Variants in SPG11 observed in about 807,000 individuals in gnomAD.
SPG11 encodes spatacsin.
SPG11 carries 222 observed loss-of-function variants against 274.0 expected under a neutral mutation model. The observed-to-expected ratio is 0.81, with a 90% CI of 0.73 to 0.91. The LOEUF (loss-of-function observed/expected upper bound fraction) is 0.91. Among genes scored for constraint, SPG11 ranks in the 40% least tolerant of loss-of-function variants. SPG11 has a pLI of 0.00. For synonymous variants in SPG11, 1,144 were observed against 1,039.7 expected (o/e 1.10, Z -1.93); for missense variants, 3,114 against 2,872.7 (o/e 1.08, Z -1.92).
chr15:44,567,829 C>A (rs1045672017), intron 35 of SPG11, among the ~76,000 whole-genome samples: 6 of 152,172 alleles, frequency 3.9e-5, no homozygotes, highest in Admixed American at 6.5e-5. Context: ...AAAAATACAC[C>A]CGCATAAGCT....
chr15:44,588,224 A>G (rs1419606461), intron 28 of SPG11, among the ~76,000 whole-genome samples: 1 of 152,126 alleles, frequency 6.6e-6, no homozygotes, highest in East Asian at 1.9e-4. Flanking sequence ...AGTGGAAAAG[A>G]TAGTAAGGCA....
intron 21 of SPG11, among the ~76,000 whole-genome samples, chr15:44,599,164 G>A (rs1175906625): frequency 4.6e-5 from 7 of 152,032 alleles, no homozygotes; most frequent in African/African-American, 1.4e-4. Flanking sequence ...TTATGAGTAC[G>A]TATACAAACT....
chr15:44,563,061 TCTCATCACATCTGTCAGAATCTG>T lies in SPG11; in HGVS notation c.*37_*59del. Reference sequence around the variant, plus strand: ...GCAAAGATCTCCAATGCATTCTTCTTCTCATCACATCTGTCAGAATCTGCTAACAGTACAAGAAAACAGACACC... The same window carrying T: ...GCAAAGATCTCCAATGCATTCTTCTTCTAACAGTACAAGAAAACAGACACC... On this transcript the variant is annotated 3_prime_UTR_variant, in exon 40 of 40. Transcript: ENST00000261866. The T allele has an allele frequency of 1.3e-6, 2 of 1,530,396 alleles. No individual in the cohort carries two copies. Among genetic ancestry groups the T allele is most frequent in the South Asian group, 1.1e-5 (1 of 89,000 alleles). The allele number at this position is 1,530,396 out of a possible 1,614,324, so 94.8% of individuals were successfully genotyped here.
intron 16 of SPG11, 26 bp downstream of exon 16, chr15:44,615,337 A>T: frequency 6.2e-7 from 1 of 1,607,296 alleles, no homozygotes; most frequent in Non-Finnish European, 8.5e-7. Context: ...GACCTGCTCA[A>T]GGACAAATGC....
Position 44,615,410 on chromosome 15 carries a change from C to T in SPG11, c.2991G>A (p.Leu997=), listed in dbSNP as rs200122358. 1.2e-6 allele frequency: 2 copies of T among 1,613,916 alleles called. No individual in the cohort carries two copies. The highest frequency in any genetic ancestry group is 1.3e-5 in the African/African-American group (1 of 74,914). The change falls in exon 16 of 40, where the codon TTG becomes TTA. Residue 997 remains leucine, a synonymous_variant. Coordinates refer to ENST00000261866, the MANE Select transcript of SPG11 (RefSeq NM_025137.4). The part of the protein sequence containing the change: ...DFHSQFILYC[L]EHSLQHLLYV... ...AAAGAAGATGCTGCAGACTGTGCTCCAAACAATAGAGAATGAATTGAGAAT... is the reference window on the plus strand; with the variant it reads ...AAAGAAGATGCTGCAGACTGTGCTCTAAACAATAGAGAATGAATTGAGAAT...
At chr15:44,604,424 G>A (rs1166999265) in intron 20 of SPG11, among the ~76,000 whole-genome samples, 3 of 152,152 alleles carry the variant, frequency 2.0e-5, no homozygotes, top group Non-Finnish European at 4.4e-5. Flanking sequence ...GCACATTTGA[G>A]TTTTTTATTC....
At chr15:44,589,807 TTTTTA>T (rs1452016952) in intron 27 of SPG11, among the ~76,000 whole-genome samples, 40 of 152,342 alleles carry the variant, frequency 2.6e-4, no homozygotes, top group African/African-American at 1.4e-4. Flanking sequence ...AGCTTCTTTA[TTTTTA>T]TTTTATTTTT....
intron 3 of SPG11, 27 bp from the exon 4 acceptor site, chr15:44,657,323 CCA>C: frequency 1.2e-6 from 2 of 1,606,134 alleles, no homozygotes; most frequent in Non-Finnish European, 1.7e-6. Flanking sequence ...AAAGAAAATG[CCA>C]GTTTTGTAAG....
intron 10 of SPG11, among the ~76,000 whole-genome samples, chr15:44,627,406 A>G (rs1262565673): frequency 2.0e-5 from 3 of 152,188 alleles, no homozygotes; most frequent in Admixed American, 6.5e-5. Flanking sequence ...TTTTGAAGAC[A>G]GGGTCTACAA....
chr15:44,657,059 T>C, intron 4 of SPG11, 36 bp downstream of exon 4: 1 of 1,584,834 alleles, frequency 6.3e-7, no homozygotes, highest in Non-Finnish European at 8.6e-7. Flanking sequence ...AGTCTAACTA[T>C]TTACCTCAAA....
chr15:44,574,855 C>T, intron 31 of SPG11, 47 bp downstream of exon 31: 1 of 1,611,734 alleles, frequency 6.2e-7, no homozygotes. Context: ...TCAAACTTCT[C>T]ATTTCCCTCC....
At chr15:44,577,918 C>A (rs2082574559) in intron 30 of SPG11, among the ~76,000 whole-genome samples, 1 of 151,808 alleles carries the variant, frequency 6.6e-6, no homozygotes, top group Non-Finnish European at 1.5e-5. Context: ...AATTCCTGTT[C>A]TTCCTTGTCC....
At chr15:44,595,484 A>G in intron 25 of SPG11, 25 bp from the exon 26 acceptor site, 1 of 1,610,372 alleles carries the variant, frequency 6.2e-7, no homozygotes, top group Non-Finnish European at 8.5e-7. Flanking sequence ...ATAAAATAAC[A>G]ACTAGGCCTG....
rs549215155 is a variant in SPG11, at chr15:44,626,523, C to T, written c.2068-16G>A. ...CAATAACTTCCTAGGAAAAGAAAAA[C>T]GTTTGCCTTTTAAGTTCTTTTTCAT... On this transcript the variant is annotated splice_polypyrimidine_tract_variant and intron_variant, in intron 10 of 39. Coordinates refer to ENST00000261866, the MANE Select transcript of SPG11 (RefSeq NM_025137.4). 45 of 1,612,820 alleles carry T rather than the reference C, an allele frequency of 2.8e-5. No homozygotes were observed. Among genetic ancestry groups the T allele is most frequent in the South Asian group, 1.6e-4 (15 of 90,950 alleles).
intron 16 of SPG11, among the ~76,000 whole-genome samples, 163 bp from the exon 17 acceptor site, chr15:44,613,699 C>A (rs2083519784): frequency 6.6e-6 from 1 of 152,116 alleles, no homozygotes; most frequent in Admixed American, 6.5e-5. Context: ...TTTACATATT[C>A]TTCATGATCT....
intron 7 of SPG11, among the ~76,000 whole-genome samples, chr15:44,640,345 T>C (rs2084404172): frequency 6.6e-6 from 1 of 152,192 alleles, no homozygotes; most frequent in South Asian, 2.1e-4. Flanking sequence ...TAATGTTTTA[T>C]TGAAAGACAT....
chr15:44,636,934 A>ACAAAC (rs1567180432), intron 7 of SPG11, among the ~76,000 whole-genome samples: 1 of 122,408 alleles, frequency 8.2e-6, no homozygotes. Flanking sequence ...TCAAAAAAAA[A>ACAAAC]AAAAAAAAAA....
chr15:44,659,435 T>A lies in SPG11; in HGVS notation c.443-132A>T. On this transcript the variant is annotated intron_variant, in intron 2 of 39. Transcript: ENST00000261866. Reference sequence around the variant, plus strand: ...GACTTAGTCTAACTTTACGCAGTTATCGTTCACACCCACCTAAGGAAGTAG... The same window carrying A: ...GACTTAGTCTAACTTTACGCAGTTAACGTTCACACCCACCTAAGGAAGTAG... 5.2e-6 allele frequency: 4 copies of A among 771,438 alleles called. No homozygotes were observed. The Admixed American group carries it at 8.8e-5, about 17-fold the overall frequency. The allele number at this position is 771,438 out of a possible 1,614,324, so 47.8% of individuals were successfully genotyped here. A position where few individuals can be genotyped will look rare whatever the true frequency, so the allele number is the denominator to read the frequency against.
In SPG11 at chr15:44,565,919, T is replaced by C. The variant is rs892306308; in HGVS notation, c.6934A>G (p.Met2312Val). 9.3e-6 allele frequency: 15 copies of C among 1,613,850 alleles called. No homozygotes were observed. The highest frequency in any genetic ancestry group is 1.7e-4 in the Middle Eastern group (1 of 6,028). ...IHFLNTGQNTMLINLGRHKLM... is the reference protein window; with the variant it reads ...IHFLNTGQNTVLINLGRHKLM... The stretch of plus-strand genomic sequence containing the variant: ...TTGTGGCGGCCCAAGTTGATGAGCA[T>C]TGTGTTCTGGCCAGTGTTCAGAAAG... Residue 2312 changes from methionine to valine, a missense_variant, in exon 38 of 40, where the codon ATG (methionine) becomes GTG (valine). Physicochemically the swap from Met to Val is conservative, Grantham distance 21. Coordinates refer to ENST00000261866, the MANE Select transcript of SPG11 (RefSeq NM_025137.4).
Sources: gnomAD v4.1 joint callset for allele counts (sites outside exome capture counted in the v4.1 genomes callset) on GRCh38, gnomAD v4.1.1 for gene constraint, MANE v1.5 for transcripts, NCBI Gene and HGNC (gene_info 2026-07-23, HGNC 2026-07-21) for gene names.